Variants in SPEF2 observed in about 807,000 individuals in gnomAD.
SPEF2 encodes sperm flagella and cilia-associated protein 2.
A neutral mutation model predicts 224.6 loss-of-function variants in SPEF2; 187 were observed. The observed-to-expected ratio is 0.83, with a 90% CI of 0.74 to 0.94. The LOEUF (loss-of-function observed/expected upper bound fraction) is 0.94, where lower values mean the gene tolerates loss of function less well. SPEF2 is among the 40% of genes least tolerant of loss of function. The pLI, the probability that SPEF2 is intolerant of heterozygous loss-of-function variation, is 0.00. For missense variants in SPEF2, 2,170 were observed against 2,135.6 expected (o/e 1.02, Z -0.32); for synonymous variants, 715 against 707.3 (o/e 1.01, Z -0.17).
chr5:35,812,082 C>A lies in SPEF2; in HGVS notation c.5380-2382C>A, dbSNP rs535246554. 4.6e-5 allele frequency among the ~76,000 whole-genome samples: 7 copies of A among 152,248 alleles called. No individual in the cohort carries two copies. The South Asian group carries it at 1.0e-3, about 23-fold the overall frequency. On this transcript the variant is annotated intron_variant, in intron 36 of 36. Coordinates refer to ENST00000356031, the MANE Select transcript of SPEF2 (RefSeq NM_024867.4). The stretch of plus-strand genomic sequence containing the variant: ...GGATTACAGGCATGAGCCACCGCAC[C>A]TGGCCTCCCATTACTTTTGATGGCA...
At position 35,814,517 on chromosome 5, in the gene SPEF2, G is replaced by C; in HGVS notation, c.5433G>C (p.Glu1811Asp). ...AACATGTACAAGGAAGTGATGGAGA[G>C]AGATCACCTTCAAGACATACAGAGG... ...RSEHVQGSDGERSPSRHTEEK... is the reference protein window; with the variant it reads ...RSEHVQGSDGDRSPSRHTEEK... Residue 1811 changes from glutamate to aspartate, a missense_variant, in exon 37 of 37, where the codon GAG becomes GAC. By Grantham distance (45) the Glu-to-Asp change is conservative. Coordinates refer to ENST00000356031, the MANE Select transcript of SPEF2 (RefSeq NM_024867.4). The C allele has an allele frequency of 6.2e-7, 1 of 1,609,764 alleles. No homozygotes were observed. Among genetic ancestry groups the C allele is most frequent in the Non-Finnish European group, 8.5e-7 (1 of 1,177,448 alleles).
At chr5:35,665,300 C>T (rs1360579215) in intron 8 of SPEF2, among the ~76,000 whole-genome samples, 1 of 152,070 alleles carries the variant, frequency 6.6e-6, no homozygotes, top group Non-Finnish European at 1.5e-5. Flanking sequence ...TTTTCCTTTT[C>T]CTCCTTCTCT....
chr5:35,648,810 T>G (rs1747772767), intron 5 of SPEF2, among the ~76,000 whole-genome samples: 1 of 152,070 alleles, frequency 6.6e-6, no homozygotes, highest in African/African-American at 2.4e-5. Context: ...GGTCAGGAGT[T>G]TGAGGCCACC....
chr5:35,716,198 T>C (rs112981885), intron 20 of SPEF2, among the ~76,000 whole-genome samples: 6 of 152,092 alleles, frequency 3.9e-5, no homozygotes, highest in Admixed American at 1.3e-4. Flanking sequence ...ATCTCACCCT[T>C]CTCTAATTAT....
chr5:35,709,383 A>T, intron 19 of SPEF2: 1 of 1,224,946 alleles, frequency 8.2e-7, no homozygotes, highest in African/African-American at 1.6e-5. Context: ...CACAGACGAG[A>T]AGAGGAAAAG....
intron 20 of SPEF2, among the ~76,000 whole-genome samples, chr5:35,717,367 C>T (rs1742770657): frequency 1.3e-5 from 2 of 152,146 alleles, no homozygotes; most frequent in Non-Finnish European, 2.9e-5. Flanking sequence ...TGCTTTGCCA[C>T]ATGTATTAGT....
At chr5:35,652,014 C>A (rs1190933814) in intron 6 of SPEF2, among the ~76,000 whole-genome samples, 1 of 152,162 alleles carries the variant, frequency 6.6e-6, no homozygotes, top group African/African-American at 2.4e-5. Flanking sequence ...TTGTCAGAGG[C>A]TTTTCCCAGC....
intron 20 of SPEF2, among the ~76,000 whole-genome samples, chr5:35,714,363 T>A (rs940402241): frequency 4.6e-5 from 7 of 151,682 alleles, no homozygotes; most frequent in South Asian, 2.1e-4. Context: ...CCTGGAAAAT[T>A]TATGTCATGC....
chr5:35,729,801 G>C (rs1745324236), intron 21 of SPEF2, among the ~76,000 whole-genome samples: 1 of 152,224 alleles, frequency 6.6e-6, no homozygotes, highest in East Asian at 1.9e-4. Flanking sequence ...TCGTGATAGT[G>C]AACAAGTCTC....
At chr5:35,797,317 GGTGTGTGTGTGTGT>G (rs3219619) in intron 33 of SPEF2, among the ~76,000 whole-genome samples, 3 of 142,124 alleles carry the variant, frequency 2.1e-5, no homozygotes, top group Admixed American at 6.8e-5. Context: ...ATGGCTGACG[GGTGTGTGTGTGTGT>G]GTGTGTGTGT....
intron 20 of SPEF2, among the ~76,000 whole-genome samples, chr5:35,715,072 C>A (rs1405100746): frequency 6.6e-6 from 1 of 151,844 alleles, no homozygotes; most frequent in African/African-American, 2.4e-5. Flanking sequence ...TATGCCACCA[C>A]GCCTGGCTAA....
chr5:35,728,971 T>A (rs2149660114), intron 21 of SPEF2, among the ~76,000 whole-genome samples: 1 of 152,152 alleles, frequency 6.6e-6, no homozygotes, highest in South Asian at 2.1e-4. Context: ...ATATGGTAAG[T>A]GATGGGGAAT....
chr5:35,753,714 C>G lies in SPEF2; in HGVS notation c.3421C>G (p.Gln1141Glu). Residue 1141 changes from glutamine to glutamate, a missense_variant, in exon 24 of 37, where the codon CAG (glutamine) becomes GAG (glutamate). Coordinates refer to ENST00000356031, the MANE Select transcript of SPEF2 (RefSeq NM_024867.4). ...TGACATCATTAATGAGAGCTGGTTA[C>G]AGGACACTCTTGGAATGACAATGAA... ...RLDIINESWL[Q>E]DTLGMTMNHF... The G allele has an allele frequency of 6.2e-7, 1 of 1,614,102 alleles. No homozygotes were observed. The highest frequency in any genetic ancestry group is 8.5e-7 in the Non-Finnish European group (1 of 1,180,016).
Position 35,814,476 on chromosome 5 carries a change from A to G in SPEF2, c.5392A>G (p.Ile1798Val), listed in dbSNP as rs759917911. 6.3e-7 allele frequency: 1 copy of G among 1,597,834 alleles called. No individual in the cohort carries two copies. The highest frequency in any genetic ancestry group is 1.1e-5 in the South Asian group (1 of 88,554). Residue 1798 changes from isoleucine to valine, a missense_variant, in exon 37 of 37, where the codon ATT (isoleucine) becomes GTT (valine). By Grantham distance (29) the Ile-to-Val change is conservative. Transcript: ENST00000356031. ...TCTTTTGTCTTAGGATATTAAAATA[A>G]TTCTCCAAAGGAGTGAACATGTACA... ...SDYKFPDIKI[I>V]LQRSEHVQGS...
chr5:35,637,847 T>A (rs1176966446), intron 2 of SPEF2, among the ~76,000 whole-genome samples: 1 of 152,188 alleles, frequency 6.6e-6, no homozygotes, highest in Non-Finnish European at 1.5e-5. Flanking sequence ...GGTATAAGAA[T>A]GCCAGGGTAG....
At chr5:35,794,418 G>C (rs1756385225) in intron 32 of SPEF2, among the ~76,000 whole-genome samples, 1 of 152,128 alleles carries the variant, frequency 6.6e-6, no homozygotes, top group South Asian at 2.1e-4. Flanking sequence ...GAGCTCTGAG[G>C]TTTCCAGGCT....
At chr5:35,775,629 T>A (rs184974588) in intron 28 of SPEF2, among the ~76,000 whole-genome samples, 13 of 152,176 alleles carry the variant, frequency 8.5e-5, no homozygotes, top group Admixed American at 2.6e-4. Context: ...CATCTGCAGG[T>A]AAGACAAATT....
At chr5:35,687,011 T>G (rs528041020) in intron 10 of SPEF2, among the ~76,000 whole-genome samples, 7 of 152,088 alleles carry the variant, frequency 4.6e-5, no homozygotes, top group Non-Finnish European at 8.8e-5. Flanking sequence ...AACTACCAAC[T>G]TTTTCCTTTG....
chr5:35,632,597 C>T (rs914240633), intron 2 of SPEF2, among the ~76,000 whole-genome samples: 16 of 152,070 alleles, frequency 1.1e-4, no homozygotes, highest in Non-Finnish European at 2.2e-4. Context: ...CATTTCTGGC[C>T]TTCTGCTTAT....
Sources: allele counts gnomAD v4.1 joint callset (sites outside exome capture counted in the v4.1 genomes callset), GRCh38; gene constraint gnomAD v4.1.1; transcripts MANE v1.5; gene names NCBI Gene and HGNC (gene_info 2026-07-23, HGNC 2026-07-21).